The following SPAG9 variants were observed in gnomAD, a reference collection of about 807,000 sequenced individuals.
The protein encoded by SPAG9 is C-Jun-amino-terminal kinase-interacting protein 4.
In SPAG9, 35 loss-of-function variants were observed where a neutral mutation model predicts 166.5. That is an observed-to-expected ratio of 0.21 (90% CI 0.16 to 0.28). The LOEUF (loss-of-function observed/expected upper bound fraction) is 0.28, where lower values mean the gene tolerates loss of function less well. Among genes scored for constraint, SPAG9 ranks in the 10% least tolerant of loss-of-function variants. SPAG9 has a pLI of 1.00. For missense variants in SPAG9, 1,235 were observed against 1,603.3 expected (o/e 0.77, Z 3.92); for synonymous variants, 534 against 565.5 (o/e 0.94, Z 0.79).
At chr17:50,990,940 C>T (rs1316244582) in intron 19 of SPAG9, among the ~76,000 whole-genome samples, 1 of 143,020 alleles carries the variant, frequency 7.0e-6, no homozygotes, top group African/African-American at 2.6e-5. Context: ...CAGAGTCTTA[C>T]TCTGTCGCCC....
At chr17:51,114,335 A>AT (rs2049217587) in intron 1 of SPAG9, among the ~76,000 whole-genome samples, 1 of 151,994 alleles carries the variant, frequency 6.6e-6, no homozygotes, top group Non-Finnish European at 1.5e-5. Flanking sequence ...TCAAAAATAA[A>AT]TTTTTTAAAA....
intron 11 of SPAG9, 86 bp from the exon 12 acceptor site, chr17:51,005,349 T>C (rs1298493741): frequency 8.1e-7 from 1 of 1,237,382 alleles, no homozygotes; most frequent in African/African-American, 1.5e-5. Context: ...CAATTTTAAC[T>C]ACCACTAAAG....
At chr17:51,111,928 AAAATAT>A (rs2049123999) in intron 1 of SPAG9, among the ~76,000 whole-genome samples, 1 of 152,084 alleles carries the variant, frequency 6.6e-6, no homozygotes, top group Non-Finnish European at 1.5e-5. Flanking sequence ...TAACTAAATA[AAAATAT>A]GAGTGTCACT....
At chr17:50,987,388 G>T in intron 21 of SPAG9, 151 bp from the exon 22 acceptor site, 1 of 663,454 alleles carries the variant, frequency 1.5e-6, no homozygotes. Flanking sequence ...CACCCAGGCT[G>T]GAGTACAGTG....
intron 3 of SPAG9, among the ~76,000 whole-genome samples, chr17:51,049,708 C>G (rs562947895): frequency 6.6e-6 from 1 of 151,962 alleles, no homozygotes; most frequent in Admixed American, 6.6e-5. Context: ...CACATTCAAG[C>G]GATTCTGCCT....
intron 19 of SPAG9, among the ~76,000 whole-genome samples, chr17:50,992,404 A>G (rs889188677): frequency 6.6e-6 from 1 of 152,138 alleles, no homozygotes; most frequent in Non-Finnish European, 1.5e-5. Flanking sequence ...AAATTTGTTA[A>G]GAGGGCTGGG....
intron 8 of SPAG9, among the ~76,000 whole-genome samples, chr17:51,019,024 T>A (rs1476110867): frequency 6.6e-6 from 1 of 152,202 alleles, no homozygotes; most frequent in Admixed American, 6.5e-5. Flanking sequence ...GATTAGGCCA[T>A]AAGGGCTTCT....
At chr17:51,015,044 G>A (rs1316619162) in intron 8 of SPAG9, among the ~76,000 whole-genome samples, 1 of 151,886 alleles carries the variant, frequency 6.6e-6, no homozygotes, top group Non-Finnish European at 1.5e-5. Flanking sequence ...TAACTCAGAA[G>A]CTCAACTAAA....
At position 51,021,487 on chromosome 17, in the gene SPAG9, A is replaced by C. The variant is rs542924421; in HGVS notation, c.784-122T>G. On this transcript the variant is annotated intron_variant, in intron 6 of 29. Coordinates refer to ENST00000262013, the MANE Select transcript of SPAG9 (RefSeq NM_001130528.3). ...TATTTTTTTTTCCAAAATAAAGGCAATAAAGAGCCACTGATTACCGGTAAG... is the reference window on the plus strand; with the variant it reads ...TATTTTTTTTTCCAAAATAAAGGCACTAAAGAGCCACTGATTACCGGTAAG... 8.9e-5 allele frequency: 67 copies of C among 749,264 alleles called. No individual in the cohort carries two copies. In the Admixed American group the frequency reaches 1.6e-3, roughly 18 times the overall value. The allele number at this position is 749,264 out of a possible 1,614,324, so 46.4% of individuals were successfully genotyped here. A position where few individuals can be genotyped will look rare whatever the true frequency, so the allele number is the denominator to read the frequency against.
At chr17:51,073,812 G>C (rs1311447977) in intron 2 of SPAG9, among the ~76,000 whole-genome samples, 1 of 152,200 alleles carries the variant, frequency 6.6e-6, no homozygotes, top group African/African-American at 2.4e-5. Context: ...ATTAATAAAA[G>C]ATGACTCAGG....
chr17:50,988,702 C>G (rs769297987), intron 21 of SPAG9, among the ~76,000 whole-genome samples: 2 of 152,194 alleles, frequency 1.3e-5, no homozygotes, highest in South Asian at 2.1e-4. Context: ...CATAGGTGCA[C>G]GCTACCACGC....
At chr17:51,030,378 G>T (rs920471582) in intron 6 of SPAG9, among the ~76,000 whole-genome samples, 9 of 152,132 alleles carry the variant, frequency 5.9e-5, no homozygotes, top group African/African-American at 2.2e-4. Flanking sequence ...TCTTAGATTT[G>T]AGGGTTTTAA....
At chr17:51,078,898 AT>A (rs2048088179) in intron 2 of SPAG9, among the ~76,000 whole-genome samples, 1 of 152,122 alleles carries the variant, frequency 6.6e-6, no homozygotes, top group African/African-American at 2.4e-5. Flanking sequence ...TTTACCTTAC[AT>A]TTTTACATTT....
Position 50,974,881 on chromosome 17 carries a change from T to C in SPAG9, c.3590A>G (p.Asn1197Ser). 1 of 1,613,406 alleles carries C rather than the reference T, an allele frequency of 6.2e-7. No homozygotes were observed. The highest frequency in any genetic ancestry group is 8.5e-7 in the Non-Finnish European group (1 of 1,179,884). Residue 1197 changes from asparagine (N) to serine (S), a missense_variant, in exon 28 of 30, where the codon AAC (asparagine) becomes AGC (serine). Coordinates refer to ENST00000262013, the MANE Select transcript of SPAG9 (RefSeq NM_001130528.3). Reference sequence around the variant, plus strand: ...TGTCCCTGGAGTCACTTTATCACTGTTTTCATCACCATATACACGGATTAC... The same window carrying C: ...TGTCCCTGGAGTCACTTTATCACTGCTTTCATCACCATATACACGGATTAC... ...GSVIRVYGDE[N>S]SDKVTPGTFI... is the part of the protein sequence containing the mutation.
At chr17:50,993,317 A>C (rs1339810325) in intron 19 of SPAG9, among the ~76,000 whole-genome samples, 1 of 50,730 alleles carries the variant, frequency 2.0e-5, no homozygotes, top group African/African-American at 9.1e-5. Context: ...CTCTGTCTCA[A>C]AAAAAAAAAA....
intron 4 of SPAG9, among the ~76,000 whole-genome samples, chr17:51,044,785 C>T (rs1232725184): frequency 6.6e-6 from 1 of 152,098 alleles, no homozygotes; most frequent in Non-Finnish European, 1.5e-5. Context: ...AATTCCAAGC[C>T]CTTTGCTTTC....
chr17:51,078,821 C>A (rs1020277820), intron 2 of SPAG9, among the ~76,000 whole-genome samples: 2 of 151,808 alleles, frequency 1.3e-5, no homozygotes, highest in African/African-American at 2.4e-5. Context: ...GGATTCAGTA[C>A]TTTTTTTTCT....
Position 50,995,498 on chromosome 17 carries a change from A to G in SPAG9, c.2004T>C (p.Asn668=). 4 of 1,611,926 alleles carry G rather than the reference A, an allele frequency of 2.5e-6. No individual in the cohort carries two copies. The highest frequency in any genetic ancestry group is 3.4e-6 in the Non-Finnish European group (4 of 1,178,178). ...GTCTGAGATAGACAGGCACAGGTAA[A>G]TTTTTCATCTTATTTTCACCTTGAC... ...TNGQGENKMK[N]LPVPVYLRPL... Residue 668 remains asparagine, a synonymous_variant, in exon 17 of 30, where the codon AAT becomes AAC. Coordinates refer to ENST00000262013, the MANE Select transcript of SPAG9 (RefSeq NM_001130528.3).
intron 4 of SPAG9, chr17:51,046,671 T>C: frequency 6.5e-7 from 1 of 1,536,024 alleles, no homozygotes; most frequent in Non-Finnish European, 8.7e-7. Flanking sequence ...GGCGCTGTGC[T>C]GGCATGGTGA....
Sources: allele counts gnomAD v4.1 joint callset (sites outside exome capture counted in the v4.1 genomes callset), GRCh38; gene constraint gnomAD v4.1.1; transcripts MANE v1.5; gene names NCBI Gene and HGNC (gene_info 2026-07-23, HGNC 2026-07-21).